The following ABLIM3 variants were observed in gnomAD, a reference collection of about 807,000 sequenced individuals.
ABLIM3 encodes actin binding LIM protein family member 3, also known as actin-binding LIM protein 3.
Under a neutral mutation model 109.5 loss-of-function variants are expected in ABLIM3, and 61 were observed. The observed-to-expected ratio is 0.56, with a 90% CI of 0.45 to 0.69. The LOEUF (loss-of-function observed/expected upper bound fraction) is 0.69, where lower values mean the gene tolerates loss of function less well. ABLIM3 is among the 30% of genes least tolerant of loss of function. ABLIM3 has a pLI of 0.00. For synonymous variants in ABLIM3, 300 were observed against 324.8 expected (o/e 0.92, Z 0.82); for missense variants, 796 against 889.5 (o/e 0.89, Z 1.34).
chr5:149,242,729 C>A (rs1752977913), intron 15 of ABLIM3, 191 bp downstream of exon 15: 2 of 628,442 alleles, frequency 3.2e-6, no homozygotes, highest in Non-Finnish European at 2.9e-6. Flanking sequence ...AGAACAAAGT[C>A]CTCATGTCCC....
chr5:149,152,865 A>C (rs1228606198), intron 2 of ABLIM3, among the ~76,000 whole-genome samples: 1 of 152,130 alleles, frequency 6.6e-6, no homozygotes, highest in Non-Finnish European at 1.5e-5. Flanking sequence ...TTCCTCTGTC[A>C]TTATAGAGTC....
At chr5:149,203,396 C>G (rs1225068725) in intron 5 of ABLIM3, among the ~76,000 whole-genome samples, 1 of 96,624 alleles carries the variant, frequency 1.0e-5, no homozygotes, top group Non-Finnish European at 3.0e-5. Context: ...TCATTGAGAG[C>G]AATCAGATGC....
At chr5:149,175,747 A>T (rs1237914586) in intron 2 of ABLIM3, among the ~76,000 whole-genome samples, 1 of 152,200 alleles carries the variant, frequency 6.6e-6, no homozygotes, top group Non-Finnish European at 1.5e-5. Context: ...TGTGAAGCTC[A>T]CTGCAGTGAA....
intron 23 of ABLIM3, among the ~76,000 whole-genome samples, chr5:149,255,027 A>G (rs1338496789): frequency 6.6e-6 from 1 of 152,250 alleles, no homozygotes; most frequent in African/African-American, 2.4e-5. Flanking sequence ...CCCTGTCCTC[A>G]AGGAGCTCAG....
intron 2 of ABLIM3, among the ~76,000 whole-genome samples, chr5:149,165,745 C>T (rs1249220816): frequency 1.3e-5 from 2 of 152,198 alleles, no homozygotes; most frequent in East Asian, 3.8e-4. Context: ...CCCTTCACTA[C>T]TCATGTTTAT....
chr5:149,198,235 G>T lies in ABLIM3; in HGVS notation c.168G>T (p.Leu56=). 6.2e-7 allele frequency: 1 copy of T among 1,613,258 alleles called. No individual in the cohort carries two copies. Among genetic ancestry groups the T allele is most frequent in the South Asian group, 1.1e-5 (1 of 90,926 alleles). ...CFTCQVCGCG[L]AQSGFFFKNQ... is the part of the protein sequence containing the mutation. ...TTCCCCAAGTATGTGGCTGTGGCCT[G>T]GCCCAGTCAGGCTTCTTCTTCAAGA... Residue 56 remains leucine, a synonymous_variant, in exon 4 of 24, where the codon CTG becomes CTT. Coordinates refer to ENST00000309868, the MANE Select transcript of ABLIM3 (RefSeq NM_014945.5). The surrounding 1 kb of genome is among the most constrained non-coding windows in gnomAD (Gnocchi z 4.2).
chr5:149,179,609 T>C (rs1756281590), intron 2 of ABLIM3, among the ~76,000 whole-genome samples: 2 of 142,244 alleles, frequency 1.4e-5, no homozygotes. Context: ...AATTTGTACA[T>C]TTTTTTTTTT....
chr5:149,215,084 G>T (rs907339688), intron 7 of ABLIM3, among the ~76,000 whole-genome samples: 1 of 152,204 alleles, frequency 6.6e-6, no homozygotes, highest in Admixed American at 6.5e-5. Context: ...GCTGAGATGG[G>T]CACAAAGCCT....
chr5:149,193,733 G>A (rs1462646119), intron 3 of ABLIM3, among the ~76,000 whole-genome samples: 1 of 152,170 alleles, frequency 6.6e-6, no homozygotes, highest in African/African-American at 2.4e-5. Context: ...AAGACCATGT[G>A]ATCTTGGATT....
chr5:149,213,020 G>A (rs1008823525), intron 7 of ABLIM3, among the ~76,000 whole-genome samples: 2 of 152,160 alleles, frequency 1.3e-5, no homozygotes, highest in Non-Finnish European at 2.9e-5. Flanking sequence ...TAGCCATTCC[G>A]GAGGATCACT....
chr5:149,240,695 C>T lies in ABLIM3; in HGVS notation c.1224C>T (p.Ser408=). Residue 408 remains serine, a synonymous_variant, in exon 14 of 24, where the codon AGC becomes AGT. Transcript: ENST00000309868. ...CTCCAGGGCCCGAGAGTGGCCGGAG[C>T]TCTCCATACCATAGCCAGTTAGATG... The part of the protein sequence containing the change: ...YYRSGPESGR[S]SPYHSQLDVR... The T allele has an allele frequency of 6.2e-7, 1 of 1,614,126 alleles. No homozygotes were observed. The highest frequency in any genetic ancestry group is 8.5e-7 in the Non-Finnish European group (1 of 1,180,030).
chr5:149,234,564 A>T (rs568695343), intron 10 of ABLIM3, among the ~76,000 whole-genome samples: 2 of 152,300 alleles, frequency 1.3e-5, no homozygotes, highest in South Asian at 4.1e-4. Flanking sequence ...GGTCAAATGG[A>T]AAAAAAGAAA....
intron 2 of ABLIM3, among the ~76,000 whole-genome samples, chr5:149,158,559 A>C (rs1383401149): frequency 2.0e-5 from 3 of 152,182 alleles, no homozygotes; most frequent in Non-Finnish European, 4.4e-5. Flanking sequence ...ATGCCACAAT[A>C]AAAAGTAAAA....
intron 10 of ABLIM3, among the ~76,000 whole-genome samples, chr5:149,235,904 T>G (rs1471489311): frequency 2.6e-5 from 4 of 152,130 alleles, no homozygotes; most frequent in Non-Finnish European, 5.9e-5. Context: ...AGCAACATAA[T>G]GTTGTTACCA....
In ABLIM3 at chr5:149,258,914, C is replaced by A; in HGVS notation, c.*510C>A. 1 of 990,538 alleles carries A rather than the reference C, an allele frequency of 1.0e-6. No homozygotes were observed. Among genetic ancestry groups the A allele is most frequent in the Non-Finnish European group, 1.2e-6 (1 of 833,344 alleles). 61.4% of individuals were successfully genotyped at this position (990,538 alleles called of 1,614,324 possible). On this transcript the variant is annotated 3_prime_UTR_variant, in exon 24 of 24. Transcript: ENST00000309868. ...AACACCCCCAATTAGGAGCTCAGTG[C>A]TCTCTTGGGGCAATGCAGTTAAAAG...
intron 17 of ABLIM3, chr5:149,247,531 C>A: frequency 1.5e-6 from 1 of 661,000 alleles, no homozygotes; most frequent in Non-Finnish European, 2.8e-6. Context: ...ACAATGGGAT[C>A]CTGTCACTGG....
rs1371655158 is a variant in ABLIM3 at position 149,207,090 on chromosome 5, G to A, written c.531G>A (p.Lys177=). 9 of 1,613,934 alleles carry A rather than the reference G, an allele frequency of 5.6e-6. No individual in the cohort carries two copies. The highest frequency in any genetic ancestry group is 1.6e-4 in the Middle Eastern group (1 of 6,082). Residue 177 remains lysine (K), a synonymous_variant, in exon 6 of 24, where the codon AAG becomes AAA. Coordinates refer to ENST00000309868, the MANE Select transcript of ABLIM3 (RefSeq NM_014945.5). ...AGCAGTGGCACGTCAGCTGCTTCAA[G>A]TGCCAGACCTGCAGCGTCATCCTCA... ...LDKQWHVSCF[K]CQTCSVILTG...
intron 2 of ABLIM3, among the ~76,000 whole-genome samples, chr5:149,170,153 T>C (rs747343641): frequency 2.6e-5 from 4 of 151,954 alleles, no homozygotes; most frequent in Non-Finnish European, 4.4e-5. Flanking sequence ...TATTGGTTTG[T>C]ATATTGGGAA....
In ABLIM3 at chr5:149,231,523, C is replaced by G. The variant is rs371575324; in HGVS notation, c.816+816C>G. Among the ~76,000 whole-genome samples the G allele has an allele frequency of 9.2e-4, 140 of 152,332 alleles. 5 individuals are homozygous for G. In the South Asian group the frequency reaches 0.024, roughly 26 times the overall value. On this transcript the variant is annotated intron_variant, in intron 9 of 23. Transcript: ENST00000309868. ...GCTAGAGTCTATCCAACTAGAAAAG[C>G]AAGTGCACAATTTCTGACCAGCTAG...
Sources: gnomAD v4.1 joint callset for allele counts (sites outside exome capture counted in the v4.1 genomes callset) on GRCh38, gnomAD v4.1.1 for gene constraint, Gnocchi (gnomAD v3.1) non-coding constraint, MANE v1.5 for transcripts, NCBI Gene and HGNC (gene_info 2026-07-23, HGNC 2026-07-21) for gene names.